GGT1: variants seen among roughly 807,000 people sequenced by gnomAD.
GGT1 encodes gamma-glutamyltransferase 1.
In GGT1, 21 loss-of-function variants were observed where a neutral mutation model predicts 56.0. That is an observed-to-expected ratio of 0.38 (90% CI 0.27 to 0.54). GGT1 has a LOEUF of 0.54. GGT1 is among the 20% of genes least tolerant of loss of function. GGT1 has a pLI of 0.82. For missense variants in GGT1, 466 were observed against 787.0 expected (o/e 0.59, Z 4.88); for synonymous variants, 238 against 342.6 (o/e 0.69, Z 3.37).
chr22:24,619,344 G>C (rs910729809), intron 7 of GGT1, among the ~76,000 whole-genome samples: 23 of 148,976 alleles, frequency 1.5e-4, no homozygotes, highest in African/African-American at 5.8e-4. Context: ...GTTGGAGTGA[G>C]CCAAGATTGT....
rs536696921 is a variant in GGT1 at position 24,628,595 on chromosome 22, G to A, written c.1564-98G>A. 11 of 1,597,170 alleles carry A rather than the reference G, an allele frequency of 6.9e-6. No homozygotes were observed. Among genetic ancestry groups the A allele is most frequent in the African/African-American group, 2.7e-5 (2 of 74,652 alleles). ...CCTGCTCTTCCTGATGACCTGGCCC[G>A]AAATGGCACCACCTGGGCTGAGGCC... On this transcript the variant is annotated intron_variant, in intron 15 of 15. Transcript: ENST00000400382. This position sits in a 1 kb window ranked among gnomAD's most constrained non-coding sequence, Gnocchi z 5.7.
intron 9 of GGT1, among the ~76,000 whole-genome samples, chr22:24,622,838 A>C (rs2047516186): frequency 1.3e-5 from 2 of 152,182 alleles, no homozygotes; most frequent in Admixed American, 1.3e-4. Flanking sequence ...AGGTGGCCCC[A>C]GCCCGGCTGT....
Position 24,626,053 on chromosome 22 carries a change from C to T in GGT1, c.1021-1379C>T, listed in dbSNP as rs1471043296. 1.7e-4 allele frequency among the ~76,000 whole-genome samples: 22 copies of T among 129,014 alleles called. No individual in the cohort carries two copies. In the East Asian group the frequency reaches 3.5e-3, roughly 20 times the overall value. 84.6% of individuals were successfully genotyped at this position (129,014 alleles called of 152,430 possible). A position where few individuals can be genotyped will look rare whatever the true frequency, so the allele number is the denominator to read the frequency against. On this transcript the variant is annotated intron_variant, in intron 11 of 15. Transcript: ENST00000400382. ...TGTCCCCCAGGCTGGAGTGCAGTGG[C>T]GGGATCTCCGCTCACTGCAAGCTCC... is the stretch of plus-strand genomic sequence containing the variant.
chr22:24,624,305 G>T (rs140406545), intron 11 of GGT1: 1 of 983,550 alleles, frequency 1.0e-6, no homozygotes, highest in East Asian at 1.1e-4. Context: ...CCAAACTAAC[G>T]CTTCCCAGAT....
upstream of GGT1, chr22:24,593,065 C>G: frequency 3.9e-6 from 4 of 1,037,484 alleles, no homozygotes; most frequent in Non-Finnish European, 4.6e-6. Context: ...GTCGCCGAAC[C>G]CACAGGAGGC....
At chr22:24,587,512 G>C in the GGT1 span, among the ~76,000 whole-genome samples, 1 of 152,238 alleles carries the variant, frequency 6.6e-6, no homozygotes, top group African/African-American at 2.4e-5. Flanking sequence ...TAGGCCCAAG[G>C]TGGGACAGGG....
At chr22:24,586,460 C>G in the GGT1 span, 2 of 1,562,162 alleles carry the variant, frequency 1.3e-6, no homozygotes, top group Non-Finnish European at 1.7e-6. Flanking sequence ...AGGCAGTCCC[C>G]CCACTGACCA....
At chr22:24,619,400 G>GAAAAAAAAAAAAAAAA (rs372709571) in intron 7 of GGT1, among the ~76,000 whole-genome samples, 1 of 96,474 alleles carries the variant, frequency 1.0e-5, no homozygotes. Context: ...CTCCATCTCA[G>GAAAAAAAAAAAAAAAA]AAAAAAAAAA....
At chr22:24,595,152 C>G (rs1350286111) in intron 1 of GGT1, among the ~76,000 whole-genome samples, 1 of 152,206 alleles carries the variant, frequency 6.6e-6, no homozygotes, top group Non-Finnish European at 1.5e-5. Context: ...CAGCCCCTGC[C>G]TCTCATCCCC....
At chr22:24,617,478 G>C (rs1261117667) in intron 7 of GGT1, among the ~76,000 whole-genome samples, 1 of 151,618 alleles carries the variant, frequency 6.6e-6, no homozygotes, top group Non-Finnish European at 1.5e-5. Context: ...GGAGGTCACT[G>C]CAGTAATTCG....
the GGT1 span, chr22:24,586,148 G>A: frequency 6.2e-7 from 1 of 1,613,500 alleles, no homozygotes; most frequent in Non-Finnish European, 8.5e-7. Flanking sequence ...GATGGCATCA[G>A]TGAGCTTGCG....
At chr22:24,614,688 C>T (rs1330120443) in intron 5 of GGT1, 88 bp from the exon 6 acceptor site, 33 of 1,129,264 alleles carry the variant, frequency 2.9e-5, no homozygotes, top group Non-Finnish European at 2.6e-5. Flanking sequence ...CTCTTCCATC[C>T]TCCTTTGGGC....
At chr22:24,592,926 G>C (rs1161562128), upstream of GGT1, 6 of 1,252,040 alleles carry the variant, frequency 4.8e-6, no homozygotes, top group African/African-American at 7.8e-5. Context: ...GCGTGGACTG[G>C]ATCTCGCGGA....
intron 1 of GGT1, among the ~76,000 whole-genome samples, chr22:24,596,914 CAAAAAAA>C (rs78452000): frequency 6.3e-5 from 4 of 63,026 alleles, no homozygotes; most frequent in Admixed American, 2.3e-4. Flanking sequence ...GACTCTGTCT[CAAAAAAA>C]AAAAAAAAAA....
upstream of GGT1, among the ~76,000 whole-genome samples, chr22:24,601,712 G>A (rs1465334354): frequency 6.6e-6 from 1 of 152,244 alleles, no homozygotes; most frequent in East Asian, 1.9e-4. Context: ...GGCACTGTGG[G>A]CTGCTGGTGC....
At chr22:24,599,112 T>A (rs2045741616), upstream of GGT1, 1 of 152,050 alleles carries the variant, frequency 6.6e-6, no homozygotes, top group African/African-American at 2.4e-5. Context: ...TGCATTTTAG[T>A]AAAAACAGCT....
At chr22:24,595,320 C>T (rs1164024307) in intron 1 of GGT1, among the ~76,000 whole-genome samples, 2 of 152,214 alleles carry the variant, frequency 1.3e-5, no homozygotes, top group African/African-American at 4.8e-5. Flanking sequence ...CTGGCCTAAC[C>T]TGACTTGGAC....
chr22:24,615,484 G>C (rs2147384420), intron 7 of GGT1, among the ~76,000 whole-genome samples: 1 of 152,338 alleles, frequency 6.6e-6, no homozygotes, highest in Non-Finnish European at 1.5e-5. Context: ...CTTTGGGCTA[G>C]GGGATGCTGT....
At chr22:24,625,531 G>A (rs1456090486) in intron 11 of GGT1, among the ~76,000 whole-genome samples, 3 of 151,738 alleles carry the variant, frequency 2.0e-5, no homozygotes, top group African/African-American at 4.8e-5. Flanking sequence ...CTCCCAAAGC[G>A]CTGGGATTAC....
Sources: gnomAD v4.1 joint callset for allele counts (sites outside exome capture counted in the v4.1 genomes callset) on GRCh38, gnomAD v4.1.1 for gene constraint, Gnocchi (gnomAD v3.1) non-coding constraint, MANE v1.5 for transcripts, NCBI Gene and HGNC (gene_info 2026-07-23, HGNC 2026-07-21) for gene names.